Variants in RYR3 observed in about 807,000 individuals in gnomAD.
The protein encoded by RYR3 is brain ryanodine receptor-calcium release channel.
Under a neutral mutation model 584.3 loss-of-function variants are expected in RYR3, and 207 were observed. The ratio of observed to expected loss-of-function variants is 0.35; its 90% CI spans 0.32 to 0.40. RYR3 has a LOEUF of 0.40. Among genes scored for constraint, RYR3 ranks in the 10% least tolerant of loss-of-function variants. RYR3 has a pLI of 1.00. For synonymous variants in RYR3, 2,416 were observed against 2,248.5 expected (o/e 1.07, Z -2.11); for missense variants, 5,616 against 6,089.2 (o/e 0.92, Z 2.59).
intron 1 of RYR3, among the ~76,000 whole-genome samples, chr15:33,434,831 G>C (rs982151835): frequency 6.6e-6 from 1 of 151,910 alleles, no homozygotes; most frequent in Non-Finnish European, 1.5e-5. Context: ...TGTTGTTGTT[G>C]TTTTGAGACA....
rs1305509998 is a variant in RYR3 at position 33,865,120 on chromosome 15, T to G, written c.14518-11T>G. ...TTTAAAAATAAGCACCCGTTGTTCA[T>G]ATTATTTCAGGAATCTTATGTCTGG... On this transcript the variant is annotated splice_polypyrimidine_tract_variant and intron_variant, in intron 103 of 103. Transcript: ENST00000634891. 1 of 1,605,082 alleles carries G rather than the reference T, an allele frequency of 6.2e-7. No individual in the cohort carries two copies.
rs779230094 is a variant in RYR3, at chr15:33,810,962, A to G, written c.10198-16A>G. 1 of 1,599,312 alleles carries G rather than the reference A, an allele frequency of 6.3e-7. No homozygotes were observed. Among genetic ancestry groups the G allele is most frequent in the East Asian group, 2.3e-5 (1 of 44,366 alleles). On this transcript the variant is annotated splice_polypyrimidine_tract_variant and intron_variant, in intron 71 of 103. Coordinates refer to ENST00000634891, the MANE Select transcript of RYR3 (RefSeq NM_001036.6). ...TGGTGATCTCCGGGAATAAAATCTG[A>G]CATCTCTTTCCACAGAGGGACACAG...
Position 33,810,607 on chromosome 15 carries a change from C to T in RYR3, c.10155C>T (p.Gly3385=), listed in dbSNP as rs781218159. The change falls in exon 71 of 104, where the codon GGC becomes GGT. Residue 3385 remains glycine, a synonymous_variant. Transcript: ENST00000634891. ...TTGGTTTGAATATGTGTACTCCAGG[C>T]GACCAGGAGCTGATCTCCCTCGCAA... The part of the protein sequence containing the change: ...LPIGLNMCTP[G]DQELISLAKS... 5 of 1,614,018 alleles carry T rather than the reference C, an allele frequency of 3.1e-6. No individual in the cohort carries two copies. The highest frequency in any genetic ancestry group is 4.5e-5 in the East Asian group (2 of 44,886).
chr15:33,811,121 G>A (rs1234393204), intron 72 of RYR3, 84 bp downstream of exon 72: 2 of 1,126,894 alleles, frequency 1.8e-6, no homozygotes, highest in Non-Finnish European at 2.6e-6. Context: ...ATTTACTCAT[G>A]CTTCTTATAT....
In RYR3 at chr15:33,530,450, C is replaced by T. The variant is rs2054771495; in HGVS notation, c.280-142C>T. ...CGTCTCTTTCTGCCCGTAGACCAGC[C>T]ACTTGCTTCTGGAATGAATTCCTTA... is the stretch of plus-strand genomic sequence containing the variant. On this transcript the variant is annotated intron_variant, in intron 3 of 103. Coordinates refer to ENST00000634891, the MANE Select transcript of RYR3 (RefSeq NM_001036.6). The T allele has an allele frequency of 4.7e-6, 3 of 638,286 alleles. No individual in the cohort carries two copies. In the Admixed American group the frequency reaches 7.4e-5, roughly 16 times the overall value. The allele number at this position is 638,286 out of a possible 1,614,324, so 39.5% of individuals were successfully genotyped here.
intron 5 of RYR3, among the ~76,000 whole-genome samples, chr15:33,537,878 C>T (rs1011233285): frequency 7.9e-5 from 12 of 152,000 alleles, no homozygotes; most frequent in Admixed American, 7.2e-4. Context: ...TTTTTCAGTT[C>T]TTGCTCTCTG....
At position 33,311,933 on chromosome 15, in the gene RYR3, G is replaced by A. The variant is rs1967376835; in HGVS notation, c.51+837G>A. On this transcript the variant is annotated intron_variant, in intron 1 of 103. Coordinates refer to ENST00000634891, the MANE Select transcript of RYR3 (RefSeq NM_001036.6). The surrounding 1 kb of genome is among the most constrained non-coding windows in gnomAD (Gnocchi z 4.4). ...TAATACAAAGACTTTCAGGGTGGAC[G>A]GCCACCCGGAGGGGTGGGGGCATTG... Among the ~76,000 whole-genome samples, 1 of 152,196 alleles carries A rather than the reference G, an allele frequency of 6.6e-6. No homozygotes were observed. Among genetic ancestry groups the A allele is most frequent in the Non-Finnish European group, 1.5e-5 (1 of 68,042 alleles).
At chr15:33,341,008 C>T (rs1414535013) in intron 1 of RYR3, among the ~76,000 whole-genome samples, 2 of 152,124 alleles carry the variant, frequency 1.3e-5, no homozygotes, top group Non-Finnish European at 2.9e-5. Flanking sequence ...CACTGCTAAG[C>T]CCCATCCCCA....
At chr15:33,789,440 G>C (rs540090180) in intron 67 of RYR3, among the ~76,000 whole-genome samples, 1 of 151,028 alleles carries the variant, frequency 6.6e-6, no homozygotes, top group South Asian at 2.1e-4. Flanking sequence ...TGGATTAGCA[G>C]TGTCAGGGGT....
chr15:33,830,496 C>G (rs2077611154), intron 85 of RYR3, among the ~76,000 whole-genome samples: 2 of 152,148 alleles, frequency 1.3e-5, no homozygotes, highest in Non-Finnish European at 2.9e-5. Context: ...GCTGAGAAAT[C>G]AACATTTTGT....
intron 77 of RYR3, 82 bp from the exon 78 acceptor site, chr15:33,820,674 C>A: frequency 8.0e-7 from 1 of 1,248,468 alleles, no homozygotes; most frequent in Non-Finnish European, 1.1e-6. Flanking sequence ...GTCCTGTCCC[C>A]TGCCCTTGTA....
intron 1 of RYR3, among the ~76,000 whole-genome samples, chr15:33,318,583 C>T (rs2140502807): frequency 6.6e-6 from 1 of 152,278 alleles, no homozygotes; most frequent in South Asian, 2.1e-4. Context: ...CTTGGGGAAC[C>T]TTGAGTAGGA....
chr15:33,441,377 A>G (rs1268490686), intron 1 of RYR3, among the ~76,000 whole-genome samples: 1 of 152,252 alleles, frequency 6.6e-6, no homozygotes, highest in African/African-American at 2.4e-5. Flanking sequence ...TGTATAGCAC[A>G]TATAATTTTC....
rs117932315 is a variant in RYR3 at position 33,799,332 on chromosome 15, C to G, written c.9831-1438C>G. ...AGAGGGTTGGGACTTTCAGCCCCAC[C>G]ACCATTTACCCTCCCCTAACCTCTG... is the stretch of plus-strand genomic sequence containing the variant. On this transcript the variant is annotated intron_variant, in intron 67 of 103. Coordinates refer to ENST00000634891, the MANE Select transcript of RYR3 (RefSeq NM_001036.6). Among the ~76,000 whole-genome samples the G allele has an allele frequency of 3.3e-3, 503 of 152,280 alleles. 1 individual carries two copies. The highest frequency in any genetic ancestry group is 5.7e-3 in the Non-Finnish European group (385 of 68,026).
intron 1 of RYR3, among the ~76,000 whole-genome samples, chr15:33,460,781 A>G (rs1158661430): frequency 6.6e-6 from 1 of 152,054 alleles, no homozygotes; most frequent in African/African-American, 2.4e-5. Context: ...TTTATGAACT[A>G]TGAAGTACTC....
At position 33,647,988 on chromosome 15, in the gene RYR3, C is replaced by CAAAAAA. The variant is rs3085194; in HGVS notation, c.3978+544_3978+549dup. Among the ~76,000 whole-genome samples, 109 of 98,320 alleles carry CAAAAAA rather than the reference C, an allele frequency of 1.1e-3. 2 individuals carry two copies. Among genetic ancestry groups the CAAAAAA allele is most frequent in the African/African-American group, 3.1e-3 (82 of 26,682 alleles). 64.5% of individuals were successfully genotyped at this position (98,320 alleles called of 152,430 possible). ...TCTCTCATTCTTCTTTAGCATCTGGCAAAAAAAAAAAAAAAAAAAAAGCCT... is the reference window on the plus strand; with the variant it reads ...TCTCTCATTCTTCTTTAGCATCTGGCAAAAAAAAAAAAAAAAAAAAAAAAAAAGCCT... On this transcript the variant is annotated intron_variant, in intron 30 of 103. Transcript: ENST00000634891.
At chr15:33,356,115 T>C (rs1313074813) in intron 1 of RYR3, among the ~76,000 whole-genome samples, 4 of 152,162 alleles carry the variant, frequency 2.6e-5, no homozygotes, top group African/African-American at 9.7e-5. Flanking sequence ...TGAGGTTCCA[T>C]GAATCTAAGT....
chr15:33,396,986 T>A (rs777534928), intron 1 of RYR3, among the ~76,000 whole-genome samples: 4 of 152,208 alleles, frequency 2.6e-5, no homozygotes, highest in Non-Finnish European at 5.9e-5. Context: ...TTAATACTTC[T>A]GTAATAAAGG....
At chr15:33,580,443 C>G (rs2058532208) in intron 13 of RYR3, among the ~76,000 whole-genome samples, 1 of 149,050 alleles carries the variant, frequency 6.7e-6, no homozygotes, top group Non-Finnish European at 1.5e-5. Flanking sequence ...CTGTGATTCC[C>G]AAGTTTTGGG....
Sources: gnomAD v4.1 joint callset for allele counts (sites outside exome capture counted in the v4.1 genomes callset) on GRCh38, gnomAD v4.1.1 for gene constraint, Gnocchi (gnomAD v3.1) non-coding constraint, MANE v1.5 for transcripts, NCBI Gene and HGNC (gene_info 2026-07-23, HGNC 2026-07-21) for gene names.